The following ASTN1 variants were observed in gnomAD, a reference collection of about 807,000 sequenced individuals.
ASTN1 encodes astrotactin-1.
A neutral mutation model predicts 140.7 loss-of-function variants in ASTN1; 41 were observed. The observed-to-expected ratio is 0.29, with a 90% CI of 0.23 to 0.38. The LOEUF is 0.38. Ranked by LOEUF, ASTN1 falls within the 10% of genes least tolerant of loss-of-function variation. The pLI is 1.00. For missense variants in ASTN1, 1,479 were observed against 1,678.8 expected (o/e 0.88, Z 2.08); for synonymous variants, 640 against 652.2 (o/e 0.98, Z 0.29).
At chr1:176,905,121 C>G (rs903023482) in intron 16 of ASTN1, among the ~76,000 whole-genome samples, 2 of 152,218 alleles carry the variant, frequency 1.3e-5, no homozygotes, top group Non-Finnish European at 2.9e-5. Context: ...ACCTTCAAAT[C>G]TGGACAAGAA....
At chr1:176,958,152 G>T (rs1365910903) in intron 10 of ASTN1, among the ~76,000 whole-genome samples, 193 bp downstream of exon 10, 4 of 152,190 alleles carry the variant, frequency 2.6e-5, no homozygotes, top group African/African-American at 7.2e-5. Flanking sequence ...TCCAGTGAAT[G>T]AGCCTTGGGA....
chr1:177,096,864 A>G (rs1010702622), intron 1 of ASTN1, among the ~76,000 whole-genome samples: 3 of 152,100 alleles, frequency 2.0e-5, no homozygotes, highest in South Asian at 2.1e-4. Flanking sequence ...AAAATGGACA[A>G]ATACAATGCC....
At chr1:177,138,198 T>C (rs1329670720) in intron 1 of ASTN1, among the ~76,000 whole-genome samples, 1 of 152,154 alleles carries the variant, frequency 6.6e-6, no homozygotes, top group Non-Finnish European at 1.5e-5. Context: ...AAGGCTAAAT[T>C]TGGTTTCTAT....
At chr1:177,045,048 G>A (rs964725170) in intron 2 of ASTN1, among the ~76,000 whole-genome samples, 2 of 151,952 alleles carry the variant, frequency 1.3e-5, no homozygotes, top group Non-Finnish European at 2.9e-5. Flanking sequence ...TCATTTCCCT[G>A]AAACGTCCTT....
At chr1:176,969,554 G>A (rs1483956517) in intron 8 of ASTN1, among the ~76,000 whole-genome samples, 2 of 152,162 alleles carry the variant, frequency 1.3e-5, no homozygotes, top group African/African-American at 2.4e-5. Context: ...CTGTCTGCTT[G>A]TAATGGTAAG....
chr1:177,046,865 G>A (rs1047274535), intron 2 of ASTN1, among the ~76,000 whole-genome samples: 1 of 152,126 alleles, frequency 6.6e-6, no homozygotes, highest in Non-Finnish European at 1.5e-5. Flanking sequence ...AGATCTTACA[G>A]GACAGAGGGG....
At chr1:177,041,914 G>C (rs1449165835) in intron 2 of ASTN1, among the ~76,000 whole-genome samples, 1 of 152,176 alleles carries the variant, frequency 6.6e-6, no homozygotes, top group Non-Finnish European at 1.5e-5. Context: ...AAAATCAACA[G>C]CATTAAAAAC....
chr1:177,124,343 A>G (rs948500203), intron 1 of ASTN1, among the ~76,000 whole-genome samples: 2 of 152,206 alleles, frequency 1.3e-5, no homozygotes, highest in African/African-American at 4.8e-5. Context: ...AGAGTTCAGT[A>G]GCGCATTTGA....
chr1:177,006,374 G>A (rs1161793238), intron 8 of ASTN1, among the ~76,000 whole-genome samples: 2 of 151,488 alleles, frequency 1.3e-5, no homozygotes, highest in East Asian at 1.9e-4. Flanking sequence ...CTCTACACAT[G>A]GGATAATGAA....
intron 1 of ASTN1, among the ~76,000 whole-genome samples, chr1:177,086,812 A>G (rs1405301714): frequency 6.6e-6 from 1 of 152,144 alleles, no homozygotes; most frequent in Non-Finnish European, 1.5e-5. Context: ...GCTTTTTTCT[A>G]ATTGTTCCAT....
At chr1:177,055,363 G>A (rs1677749152) in intron 2 of ASTN1, among the ~76,000 whole-genome samples, 1 of 152,256 alleles carries the variant, frequency 6.6e-6, no homozygotes, top group Non-Finnish European at 1.5e-5. Context: ...GGTGCCAGGT[G>A]AGGGATGTTT....
intron 1 of ASTN1, among the ~76,000 whole-genome samples, chr1:177,075,423 CAAAAA>C (rs5778926): frequency 1.5e-3 from 213 of 145,660 alleles, no homozygotes; most frequent in African/African-American, 4.6e-3. Context: ...TTTCATTCAT[CAAAAA>C]AAAAAAAAAA....
chr1:177,163,171 T>G (rs1454592711), intron 1 of ASTN1, among the ~76,000 whole-genome samples: 1 of 152,200 alleles, frequency 6.6e-6, no homozygotes, highest in Non-Finnish European at 1.5e-5. Context: ...ACCATGTTTC[T>G]GCAAATGGAA....
chr1:176,860,808 G>T (rs1389049927), downstream of ASTN1, among the ~76,000 whole-genome samples: 1 of 152,212 alleles, frequency 6.6e-6, no homozygotes, highest in Non-Finnish European at 1.5e-5. Context: ...GAATATAGCA[G>T]CTGTGCAACA....
downstream of ASTN1, among the ~76,000 whole-genome samples, chr1:176,860,217 G>T (rs1273253780): frequency 6.6e-6 from 1 of 152,158 alleles, no homozygotes; most frequent in African/African-American, 2.4e-5. Flanking sequence ...GGCCAAAATA[G>T]TTATAAACCT....
intron 2 of ASTN1, among the ~76,000 whole-genome samples, chr1:177,040,172 C>T (rs1028780462): frequency 1.3e-5 from 2 of 152,206 alleles, no homozygotes; most frequent in Non-Finnish European, 2.9e-5. Context: ...CAAGTGAAAA[C>T]ACTTTAAGCA....
intron 16 of ASTN1, among the ~76,000 whole-genome samples, chr1:176,911,771 T>A (rs1005811913): frequency 1.4e-4 from 22 of 152,316 alleles, no homozygotes; most frequent in African/African-American, 4.8e-4. Flanking sequence ...CACTCTAAAA[T>A]AATGATAAAA....
At position 177,029,846 on chromosome 1, in the gene ASTN1, C is replaced by G; in HGVS notation, c.1013-105G>C. ...GAAAATCAACAAAAATGAAAGTAAG[C>G]TGACTGATAATCTGGGAGAAATAGC... On this transcript the variant is annotated intron_variant, in intron 4 of 22. Coordinates refer to ENST00000361833, the MANE Select transcript of ASTN1 (RefSeq NM_004319.3). The G allele has an allele frequency of 5.5e-6, 6 of 1,097,708 alleles. No individual in the cohort carries two copies. In the South Asian group the frequency reaches 9.1e-5, roughly 17 times the overall value. The allele number at this position is 1,097,708 out of a possible 1,614,324, so 68.0% of individuals were successfully genotyped here.
At chr1:176,916,390 C>T (rs2103067182) in intron 16 of ASTN1, among the ~76,000 whole-genome samples, 1 of 152,272 alleles carries the variant, frequency 6.6e-6, no homozygotes, top group African/African-American at 2.4e-5. Context: ...ACAAATTGTA[C>T]TGTCAAAAAA....
Sources: allele counts gnomAD v4.1 joint callset (sites outside exome capture counted in the v4.1 genomes callset), GRCh38; gene constraint gnomAD v4.1.1; transcripts MANE v1.5; gene names NCBI Gene and HGNC (gene_info 2026-07-23, HGNC 2026-07-21).